The following ERAP1 variants were observed in gnomAD, a reference collection of about 807,000 sequenced individuals.
ERAP1 encodes the protein endoplasmic reticulum aminopeptidase 1.
In ERAP1, 86 loss-of-function variants were observed where a neutral mutation model predicts 103.7. The ratio of observed to expected loss-of-function variants is 0.83; its 90% CI spans 0.70 to 0.99. The LOEUF is 0.99. Ranked by LOEUF, ERAP1 falls within the 50% of genes least tolerant of loss-of-function variation. ERAP1 has a pLI of 0.00. For missense variants in ERAP1, 1,009 were observed against 1,128.4 expected (o/e 0.89, Z 1.52); for synonymous variants, 398 against 402.4 (o/e 0.99, Z 0.13).
chr5:96,899,276 G>A, the ERAP1 span, among the ~76,000 whole-genome samples: 1 of 152,108 alleles, frequency 6.6e-6, no homozygotes, highest in Admixed American at 6.6e-5. Flanking sequence ...CTAGTTCCTA[G>A]TTTTAAGAAA....
chr5:96,807,972 C>G, upstream of ERAP1: 1 of 985,758 alleles, frequency 1.0e-6, no homozygotes, highest in Non-Finnish European at 1.2e-6. Context: ...CAGGCTGGCG[C>G]TGAGCGGCGC....
the ERAP1 span, among the ~76,000 whole-genome samples, chr5:96,869,783 G>A: frequency 4.2e-4 from 64 of 152,250 alleles, no homozygotes; most frequent in East Asian, 5.6e-3. Context: ...GAAATGGTTC[G>A]GAGAAGAGGA....
the ERAP1 span, among the ~76,000 whole-genome samples, chr5:96,865,952 T>C: frequency 3.3e-5 from 5 of 152,358 alleles, no homozygotes; most frequent in African/African-American, 1.2e-4. Flanking sequence ...AAATTAGTTG[T>C]GTTTTTACTC....
At chr5:96,782,520 A>C (rs1775361114) in intron 15 of ERAP1, among the ~76,000 whole-genome samples, 1 of 152,232 alleles carries the variant, frequency 6.6e-6, no homozygotes, top group Non-Finnish European at 1.5e-5. Context: ...TCAGGACGGC[A>C]GTAGGACCAC....
Position 96,774,884 on chromosome 5 carries a change from T to C in ERAP1, c.*1512A>G. On this transcript the variant is annotated 3_prime_UTR_variant, in exon 19 of 19. Transcript: ENST00000443439. ...GTCCAGAAGTCACTCTATTTTGTCG[T>C]GTATTAGGGGAACACATTTTGACAT... 1 of 985,236 alleles carries C rather than the reference T, an allele frequency of 1.0e-6. No individual in the cohort carries two copies. Among genetic ancestry groups the C allele is most frequent in the East Asian group, 1.1e-4 (1 of 8,952 alleles). The allele number at this position is 985,236 out of a possible 1,614,324, so 61.0% of individuals were successfully genotyped here.
At chr5:96,765,328 A>T (rs778902514) in intron 19 of ERAP1, 8 of 8,660 alleles carry the variant, frequency 9.2e-4, no homozygotes, top group Admixed American at 5.3e-3. Context: ...AAGTAAAGGT[A>T]AAAAAAAAAA....
At chr5:96,762,519 G>T in exon 20 of ERAP1, 1 of 530,448 alleles carries the variant, frequency 1.9e-6, no homozygotes, top group South Asian at 3.4e-5. Context: ...CGAGACTGAT[G>T]ATTTAGCGAG....
At chr5:96,911,361 T>C in the ERAP1 span, among the ~76,000 whole-genome samples, 27 of 152,332 alleles carry the variant, frequency 1.8e-4, no homozygotes, top group African/African-American at 6.3e-4. Flanking sequence ...TATTGATCCG[T>C]TGACATTTGG....
Position 96,768,121 on chromosome 5 carries a change from T to TA in ERAP1, c.2819-4894dup, listed in dbSNP as rs1383307952. 6.9e-6 allele frequency: 5 copies of TA among 724,688 alleles called. No individual in the cohort carries two copies. In the Admixed American group the frequency reaches 1.1e-4, roughly 17 times the overall value. The allele number at this position is 724,688 out of a possible 1,614,324, so 44.9% of individuals were successfully genotyped here. On this transcript the variant is annotated intron_variant, in intron 19 of 19. Coordinates refer to the ERAP1 transcript ENST00000296754. ...TGTCTTGTAACAGGGTCTTACTCTA[T>TA]AGCCCAGGCTGGAGTGCAGTGGTGT...
intron 1 of ERAP1, among the ~76,000 whole-genome samples, chr5:96,807,587 G>T (rs898757820): frequency 2.0e-5 from 3 of 152,120 alleles, no homozygotes; most frequent in Non-Finnish European, 4.4e-5. Context: ...ACCGGCAGGG[G>T]TGGGCCCGCC....
chr5:96,817,069 AAGG>A, the ERAP1 span, among the ~76,000 whole-genome samples: 2,264 of 152,328 alleles, frequency 0.015, 52 homozygotes, highest in African/African-American at 0.051. Flanking sequence ...TCTAAGCAGA[AAGG>A]AGGATTACAT....
At chr5:96,870,778 T>C in the ERAP1 span, among the ~76,000 whole-genome samples, 1 of 152,222 alleles carries the variant, frequency 6.6e-6, no homozygotes, top group Non-Finnish European at 1.5e-5. Context: ...TGGATCCTGC[T>C]TTTAAGATTT....
downstream of ERAP1, chr5:96,771,652 G>A (rs1772390385): frequency 6.2e-7 from 1 of 1,611,556 alleles, no homozygotes; most frequent in African/African-American, 1.3e-5. Context: ...AGACAACAGA[G>A]GAAACTTCCA....
rs748006763 is a variant in ERAP1, at chr5:96,803,547, CG to C, written c.379del (p.Arg127ValfsTer48). 418 of 1,613,522 alleles carry C rather than the reference CG, an allele frequency of 2.6e-4. 3 individuals carry two copies. The Admixed American group carries it at 6.5e-3, about 25-fold the overall frequency. On this transcript the variant is annotated frameshift_variant, in exon 2 of 19. Coordinates refer to ENST00000443439, the MANE Select transcript of ERAP1 (RefSeq NM_001040458.3). LOFTEE classifies it high-confidence loss of function. ...AGCCAGCAGTGCAATTTGCTCCTGA[CG>C]GGGGTGTTCCAGGACCTGCAGGGGT... ...EEPLQVLEHPRQEQIALLAPE... is the reference protein window; with the variant it reads ...EEPLQVLEHPXQEQIALLAPE...
chr5:96,905,209 A>G, the ERAP1 span, among the ~76,000 whole-genome samples: 3 of 152,342 alleles, frequency 2.0e-5, no homozygotes, highest in African/African-American at 7.2e-5. Flanking sequence ...AGAAAAGTAC[A>G]CTTCAAATAA....
At chr5:96,900,330 A>G in the ERAP1 span, 1 of 1,308,030 alleles carries the variant, frequency 7.6e-7, no homozygotes. Context: ...CTAAAACAAA[A>G]CTGAAGGGGA....
chr5:96,853,460 G>A, the ERAP1 span, among the ~76,000 whole-genome samples: 1 of 152,154 alleles, frequency 6.6e-6, no homozygotes, highest in Non-Finnish European at 1.5e-5. Context: ...TATTCCAAAA[G>A]TCAATATCAA....
the ERAP1 span, among the ~76,000 whole-genome samples, chr5:96,923,693 C>CAAA: frequency 1.4e-5 from 1 of 73,722 alleles, no homozygotes; most frequent in Non-Finnish European, 2.8e-5. Context: ...GACTCTGTCT[C>CAAA]AAAAAAAAAA....
the ERAP1 span, among the ~76,000 whole-genome samples, chr5:96,843,979 T>C: frequency 1.3e-5 from 2 of 152,334 alleles, no homozygotes; most frequent in African/African-American, 2.4e-5. Flanking sequence ...CATGTGTTGA[T>C]TCATGATTTT....
Sources: allele counts gnomAD v4.1 joint callset (sites outside exome capture counted in the v4.1 genomes callset), GRCh38; gene constraint gnomAD v4.1.1; transcripts MANE v1.5; gene names NCBI Gene and HGNC (gene_info 2026-07-23, HGNC 2026-07-21).